Variants in TBL1XR1 observed in about 807,000 individuals in gnomAD.
TBL1XR1 encodes F-box-like/WD repeat-containing protein TBL1XR1.
A neutral mutation model predicts 66.9 loss-of-function variants in TBL1XR1; 5 were observed. The ratio of observed to expected loss-of-function variants is 0.07; its 90% CI spans 0.04 to 0.16. TBL1XR1 has a LOEUF of 0.16. Among genes scored for constraint, TBL1XR1 ranks in the 10% least tolerant of loss-of-function variants. TBL1XR1 has a pLI of 1.00. For synonymous variants in TBL1XR1, 210 were observed against 206.0 expected (o/e 1.02, Z -0.17); for missense variants, 238 against 623.2 (o/e 0.38, Z 6.58).
intron 5 of TBL1XR1, among the ~76,000 whole-genome samples, 165 bp downstream of exon 5, chr3:177,051,339 T>A (rs1429726363): frequency 6.6e-6 from 1 of 152,148 alleles, no homozygotes; most frequent in Admixed American, 6.5e-5. Flanking sequence ...AAAATAACTA[T>A]TGGGCACTAG....
intron 1 of TBL1XR1, among the ~76,000 whole-genome samples, chr3:177,188,855 TCTAA>T (rs1408703017): frequency 6.6e-6 from 1 of 152,236 alleles, no homozygotes; most frequent in African/African-American, 2.4e-5. Flanking sequence ...GAGCTTTCAA[TCTAA>T]CTCATTTTGT....
chr3:177,158,884 CAAGAA>C (rs1423962842), intron 1 of TBL1XR1, among the ~76,000 whole-genome samples: 1 of 151,972 alleles, frequency 6.6e-6, no homozygotes, highest in Non-Finnish European at 1.5e-5. Flanking sequence ...CAATATAAAT[CAAGAA>C]GAGAAACATC....
chr3:177,097,719 T>A (rs535000877), intron 2 of TBL1XR1, among the ~76,000 whole-genome samples: 2 of 152,264 alleles, frequency 1.3e-5, no homozygotes, highest in South Asian at 4.1e-4. Flanking sequence ...TTAGGATAAA[T>A]GCAATACACA....
chr3:177,187,179 A>C (rs1735526632), intron 1 of TBL1XR1, among the ~76,000 whole-genome samples: 1 of 150,654 alleles, frequency 6.6e-6, no homozygotes, highest in South Asian at 2.1e-4. Flanking sequence ...AAAAAAAAAA[A>C]AGTCAGGAGT....
intron 14 of TBL1XR1, chr3:177,027,562 T>C (rs368987684): frequency 2.0e-5 from 3 of 152,296 alleles, no homozygotes; most frequent in South Asian, 2.1e-4. Context: ...ATCAGAAAAG[T>C]GACCTCTGCA....
chr3:177,088,721 A>AG (rs1722462695), intron 2 of TBL1XR1, among the ~76,000 whole-genome samples: 1 of 94,116 alleles, frequency 1.1e-5, no homozygotes, highest in Non-Finnish European at 2.4e-5. Flanking sequence ...AAAAAAAAAA[A>AG]AAAGAAAAGA....
chr3:177,194,936 C>T (rs1736639207), intron 1 of TBL1XR1, among the ~76,000 whole-genome samples: 1 of 147,818 alleles, frequency 6.8e-6, no homozygotes, highest in Non-Finnish European at 1.5e-5. Context: ...CATTAATACC[C>T]AAAGCTGGTA....
chr3:177,171,702 CAAAAAAA>C (rs34278942), intron 1 of TBL1XR1, among the ~76,000 whole-genome samples: 11 of 47,294 alleles, frequency 2.3e-4, no homozygotes, highest in East Asian at 1.2e-3. Flanking sequence ...GACTCCGTCT[CAAAAAAA>C]AAAAAAAAAA....
chr3:177,121,776 G>A (rs759699570), intron 1 of TBL1XR1, among the ~76,000 whole-genome samples: 3 of 151,918 alleles, frequency 2.0e-5, no homozygotes, highest in Non-Finnish European at 4.4e-5. Context: ...AGGCAAGCCT[G>A]TTTCCATTAA....
chr3:177,092,466 C>T (rs2108647050), intron 2 of TBL1XR1, among the ~76,000 whole-genome samples: 1 of 152,194 alleles, frequency 6.6e-6, no homozygotes, highest in South Asian at 2.1e-4. Context: ...AGAAGCATAA[C>T]TATACACAGT....
intron 4 of TBL1XR1, 46 bp downstream of exon 4, chr3:177,053,727 A>T: frequency 1.9e-6 from 3 of 1,557,430 alleles, no homozygotes; most frequent in Non-Finnish European, 2.6e-6. Context: ...ACTTAACGGC[A>T]TATTTAAGAT....
intron 1 of TBL1XR1, among the ~76,000 whole-genome samples, chr3:177,125,528 C>CA (rs767069966): frequency 1.3e-4 from 20 of 152,144 alleles, no homozygotes; most frequent in Admixed American, 5.9e-4. Context: ...AATGAATTAA[C>CA]AGGATTTTAA....
At chr3:177,191,147 T>G (rs1487177980) in intron 1 of TBL1XR1, among the ~76,000 whole-genome samples, 2 of 152,084 alleles carry the variant, frequency 1.3e-5, no homozygotes, top group African/African-American at 4.8e-5. Flanking sequence ...TAAAGCTGAA[T>G]AGGTAGAATG....
chr3:177,131,797 C>A (rs764875182), intron 1 of TBL1XR1, among the ~76,000 whole-genome samples: 8 of 151,914 alleles, frequency 5.3e-5, no homozygotes, highest in Non-Finnish European at 7.4e-5. Context: ...CCACCATACC[C>A]GGCCCTGAAT....
At chr3:177,140,452 C>T (rs892495767) in intron 1 of TBL1XR1, among the ~76,000 whole-genome samples, 5 of 152,148 alleles carry the variant, frequency 3.3e-5, no homozygotes, top group South Asian at 2.1e-4. Context: ...TATCAATTTA[C>T]GACATGAAAA....
At chr3:177,040,370 A>G (rs1171728256) in intron 10 of TBL1XR1, among the ~76,000 whole-genome samples, 1 of 152,238 alleles carries the variant, frequency 6.6e-6, no homozygotes, top group Non-Finnish European at 1.5e-5. Flanking sequence ...AGAAATACAA[A>G]GCATTTAATA....
chr3:177,153,342 C>T (rs888713495), intron 1 of TBL1XR1, among the ~76,000 whole-genome samples: 1 of 152,092 alleles, frequency 6.6e-6, no homozygotes, highest in Admixed American at 6.5e-5. Flanking sequence ...AAGTGGAAAA[C>T]CTCGATCTTC....
At chr3:177,039,178 A>G (rs1715224790) in intron 10 of TBL1XR1, among the ~76,000 whole-genome samples, 1 of 152,208 alleles carries the variant, frequency 6.6e-6, no homozygotes, top group African/African-American at 2.4e-5. Flanking sequence ...ATATTGCCTT[A>G]TGTATATGCA....
rs1560153911 is a variant in TBL1XR1 at position 177,082,741 on chromosome 3, TA to T, written c.-46+15724del. Among the ~76,000 whole-genome samples, 162 of 79,508 alleles carry T rather than the reference TA, an allele frequency of 2.0e-3. 11 individuals are homozygous for T. Among genetic ancestry groups the T allele is most frequent in the African/African-American group, 5.3e-3 (132 of 24,756 alleles). The allele number at this position is 79,508 out of a possible 152,430, so 52.2% of individuals were successfully genotyped here. A position where few individuals can be genotyped will look rare whatever the true frequency, so the allele number is the denominator to read the frequency against. On this transcript the variant is annotated intron_variant, in intron 2 of 15. Transcript: ENST00000457928. Reference sequence around the variant, plus strand: ...TACTAAATTTCTAAGATAGAGATTATATATATATATATATATATATATATAT... The same window carrying T: ...TACTAAATTTCTAAGATAGAGATTATTATATATATATATATATATATATAT...
Sources: allele counts gnomAD v4.1 joint callset (sites outside exome capture counted in the v4.1 genomes callset), GRCh38; gene constraint gnomAD v4.1.1; transcripts MANE v1.5; gene names NCBI Gene and HGNC (gene_info 2026-07-23, HGNC 2026-07-21).